The following GPR158 variants were observed in gnomAD, a reference collection of about 807,000 sequenced individuals.
The protein encoded by GPR158 is G protein-coupled receptor 158, also known as metabotropic glycine receptor.
Under a neutral mutation model 78.2 loss-of-function variants are expected in GPR158, and 30 were observed. The ratio of observed to expected loss-of-function variants is 0.38; its 90% confidence interval spans 0.29 to 0.52. The LOEUF (loss-of-function observed/expected upper bound fraction) is 0.52, where lower values mean the gene tolerates loss of function less well. Among genes scored for constraint, GPR158 ranks in the 20% least tolerant of loss-of-function variants. The probability of loss-of-function intolerance (pLI) is 0.83; values close to 1 mark genes in which losing one functional copy is unlikely to be tolerated. For synonymous variants in GPR158, 581 were observed against 591.1 expected (o/e 0.98, Z 0.25); for missense variants, 1,463 against 1,523.5 (o/e 0.96, Z 0.66).
At chr10:25,399,526 C>G (rs978447574) in intron 3 of GPR158, among the ~76,000 whole-genome samples, 3 of 152,136 alleles carry the variant, frequency 2.0e-5, no homozygotes, top group African/African-American at 7.2e-5. Flanking sequence ...ATCCTGCATG[C>G]CCTCCACCTC....
Position 25,598,770 on chromosome 10 carries a change from TCAC to T in GPR158, c.3148_3150del (p.His1050del). On this transcript the variant is annotated inframe_deletion, in exon 11 of 11. Coordinates refer to ENST00000376351, the MANE Select transcript of GPR158 (RefSeq NM_020752.3). ...CCACTTTTTCCTTAAAGGAGAAATC[TCAC>T]CACAAGCCTAAGGCAGCTGAGGTTT... 4 of 1,614,130 alleles carry T rather than the reference TCAC, an allele frequency of 2.5e-6. No individual in the cohort carries two copies. Among genetic ancestry groups the T allele is most frequent in the Non-Finnish European group, 3.4e-6 (4 of 1,180,018 alleles).
intron 2 of GPR158, among the ~76,000 whole-genome samples, chr10:25,314,275 A>G (rs1854812815): frequency 2.0e-5 from 3 of 151,844 alleles, no homozygotes; most frequent in Non-Finnish European, 4.4e-5. Context: ...TAATTTTTGT[A>G]TTTTTAATAG....
At chr10:25,422,901 T>A (rs904665324) in intron 4 of GPR158, among the ~76,000 whole-genome samples, 1 of 146,872 alleles carries the variant, frequency 6.8e-6, no homozygotes, top group Non-Finnish European at 1.5e-5. Flanking sequence ...ATCATTCTTA[T>A]GCCTTTGCGT....
intron 2 of GPR158, among the ~76,000 whole-genome samples, chr10:25,249,756 T>C (rs555190041): frequency 6.6e-6 from 1 of 152,266 alleles, no homozygotes; most frequent in East Asian, 1.9e-4. Flanking sequence ...TCATCAAGGA[T>C]ATTGGCCTAA....
intron 5 of GPR158, among the ~76,000 whole-genome samples, chr10:25,534,905 G>A (rs1341144746): frequency 6.6e-6 from 1 of 152,194 alleles, no homozygotes; most frequent in Non-Finnish European, 1.5e-5. Context: ...TTAGTCATGA[G>A]CTATGTGTAG....
At chr10:25,414,658 T>C (rs1588851739) in intron 4 of GPR158, among the ~76,000 whole-genome samples, 1 of 152,146 alleles carries the variant, frequency 6.6e-6, no homozygotes, top group Non-Finnish European at 1.5e-5. Context: ...TTAGATTTGC[T>C]TTTTAAAGAT....
intron 3 of GPR158, among the ~76,000 whole-genome samples, chr10:25,401,871 C>A (rs1834451041): frequency 6.6e-6 from 1 of 151,996 alleles, no homozygotes; most frequent in African/African-American, 2.4e-5. Flanking sequence ...AAATACATTT[C>A]TTACACAAAA....
chr10:25,184,020 T>C (rs1852648887), intron 1 of GPR158, among the ~76,000 whole-genome samples: 1 of 152,194 alleles, frequency 6.6e-6, no homozygotes, highest in Non-Finnish European at 1.5e-5. Context: ...TAACAAGGCA[T>C]CTTACAATTA....
intron 5 of GPR158, among the ~76,000 whole-genome samples, chr10:25,471,152 CCT>C (rs901758688): frequency 2.5e-4 from 37 of 149,376 alleles, no homozygotes; most frequent in Admixed American, 1.4e-3. Flanking sequence ...TGTTCCCTCC[CCT>C]GTGTCCAACT....
At chr10:25,385,964 G>C (rs1283819932) in intron 2 of GPR158, among the ~76,000 whole-genome samples, 1 of 152,074 alleles carries the variant, frequency 6.6e-6, no homozygotes, top group Admixed American at 6.5e-5. Flanking sequence ...TTTTAAATTT[G>C]ATGTAGTCCC....
At chr10:25,474,597 G>A (rs113492157) in intron 5 of GPR158, among the ~76,000 whole-genome samples, 2 of 152,004 alleles carry the variant, frequency 1.3e-5, no homozygotes, top group Admixed American at 6.6e-5. Context: ...TTGTAATTAC[G>A]CATTCAAAAG....
intron 1 of GPR158, among the ~76,000 whole-genome samples, chr10:25,183,168 T>C (rs552708147): frequency 7.6e-4 from 116 of 152,290 alleles, no homozygotes; most frequent in African/African-American, 2.6e-3. Context: ...CTCCTGAGTC[T>C]TTCTTCCTAC....
chr10:25,453,680 G>A (rs1460127017), intron 4 of GPR158, among the ~76,000 whole-genome samples: 1 of 152,102 alleles, frequency 6.6e-6, no homozygotes, highest in Non-Finnish European at 1.5e-5. Flanking sequence ...ATTTACTGAA[G>A]AGACTGTTCA....
rs2130758642 is a variant in GPR158, at chr10:25,599,488, T to C, written c.*214T>C. The C allele has an allele frequency of 1.9e-6, 1 of 540,012 alleles. No homozygotes were observed. Among genetic ancestry groups the C allele is most frequent in the Non-Finnish European group, 3.3e-6 (1 of 305,116 alleles). The allele number at this position is 540,012 out of a possible 1,614,324, so 33.5% of individuals were successfully genotyped here. ...GACTTTGGTCAAGAAAGTCCTTCCC[T>C]TGGTAACACTAGGAAAATCTTTCCA... On this transcript the variant is annotated 3_prime_UTR_variant, in exon 11 of 11. Transcript: ENST00000376351.
chr10:25,324,843 T>C lies in GPR158; in HGVS notation c.1009-71068T>C, dbSNP rs565790135. On this transcript the variant is annotated intron_variant, in intron 2 of 10. Coordinates refer to ENST00000376351, the MANE Select transcript of GPR158 (RefSeq NM_020752.3). ...TTCTTTTTTCTTTCTTTTTTTTTTT[T>C]TTTTTGAGACATTGAGACAAGGTGT... Among the ~76,000 whole-genome samples the C allele has an allele frequency of 2.2e-4, 32 of 145,748 alleles. 2 individuals carry two copies. In the East Asian group the frequency reaches 5.6e-3, roughly 26 times the overall value.
At chr10:25,333,457 G>A (rs1057202977) in intron 2 of GPR158, among the ~76,000 whole-genome samples, 13 of 152,094 alleles carry the variant, frequency 8.5e-5, no homozygotes, top group Non-Finnish European at 1.8e-4. Flanking sequence ...ATCTGTATGT[G>A]AACTTTAGAA....
At chr10:25,571,437 T>C (rs1393648765) in intron 6 of GPR158, among the ~76,000 whole-genome samples, 1 of 152,204 alleles carries the variant, frequency 6.6e-6, no homozygotes, top group Non-Finnish European at 1.5e-5. Context: ...TGTATTGGCT[T>C]CATTTCTGGA....
intron 2 of GPR158, among the ~76,000 whole-genome samples, chr10:25,332,127 AT>A (rs1019410406): frequency 6.6e-6 from 1 of 152,136 alleles, no homozygotes; most frequent in African/African-American, 2.4e-5. Context: ...GGGGGGGCGA[AT>A]ACATTTCTGG....
At chr10:25,268,493 T>A (rs555806630) in intron 2 of GPR158, among the ~76,000 whole-genome samples, 115 of 152,246 alleles carry the variant, frequency 7.6e-4, no homozygotes, top group Non-Finnish European at 1.4e-3. Flanking sequence ...AATTTTATTG[T>A]ATATAAATTG....
Sources: allele counts gnomAD v4.1 joint callset (sites outside exome capture counted in the v4.1 genomes callset), GRCh38; gene constraint gnomAD v4.1.1; transcripts MANE v1.5; gene names NCBI Gene and HGNC (gene_info 2026-07-23, HGNC 2026-07-21).